The following CSMD1 variants were observed in gnomAD, a reference collection of about 807,000 sequenced individuals.
CSMD1 encodes the protein CUB and Sushi multiple domains 1, also known as CUB and sushi domain-containing protein 1.
In CSMD1, 213 loss-of-function variants were observed where a neutral mutation model predicts 417.5. That is an observed-to-expected ratio of 0.51 (90% confidence interval 0.46 to 0.57). The LOEUF (loss-of-function observed/expected upper bound fraction) is 0.57, where lower values mean the gene tolerates loss of function less well. Ranked by LOEUF, CSMD1 falls within the 20% of genes least tolerant of loss-of-function variation. CSMD1 has a pLI of 0.00. For synonymous variants in CSMD1, 2,862 were observed against 1,736.8 expected (o/e 1.65, Z -16.11); for missense variants, 6,923 against 4,529.7 (o/e 1.53, Z -15.17).
At chr8:4,257,775 G>A (rs140763973) in intron 3 of CSMD1, among the ~76,000 whole-genome samples, 133 of 152,266 alleles carry the variant, frequency 8.7e-4, no homozygotes, top group African/African-American at 2.8e-3. Context: ...AACAGCATCC[G>A]CCTCGTAGGA....
At chr8:3,317,705 A>G (rs1369376295) in intron 23 of CSMD1, among the ~76,000 whole-genome samples, 1 of 152,228 alleles carries the variant, frequency 6.6e-6, no homozygotes, top group East Asian at 1.9e-4. Context: ...TCATTACTTG[A>G]TGTGTTCACA....
intron 3 of CSMD1, among the ~76,000 whole-genome samples, chr8:4,194,459 C>G (rs903234197): frequency 9.2e-5 from 14 of 152,132 alleles, no homozygotes; most frequent in African/African-American, 3.4e-4. Context: ...GCCTGAATTA[C>G]AATAGCGCCC....
chr8:3,654,227 G>A (rs894322305), intron 7 of CSMD1, among the ~76,000 whole-genome samples: 2 of 152,152 alleles, frequency 1.3e-5, no homozygotes, highest in African/African-American at 4.8e-5. Flanking sequence ...TGAATTGTAT[G>A]TAAACCTTGG....
At chr8:3,211,015 A>T (rs1478821303) in intron 30 of CSMD1, among the ~76,000 whole-genome samples, 1 of 152,144 alleles carries the variant, frequency 6.6e-6, no homozygotes, top group Non-Finnish European at 1.5e-5. Flanking sequence ...CTGGGATACA[A>T]GAAAGAAAAT....
chr8:3,212,486 C>A (rs1797668736), intron 30 of CSMD1, among the ~76,000 whole-genome samples: 1 of 152,088 alleles, frequency 6.6e-6, no homozygotes, highest in African/African-American at 2.4e-5. Flanking sequence ...GCAGCTGGGA[C>A]TACAGGCATG....
intron 3 of CSMD1, among the ~76,000 whole-genome samples, chr8:4,058,225 A>G (rs901349550): frequency 2.6e-5 from 4 of 152,036 alleles, no homozygotes; most frequent in African/African-American, 7.2e-5. Flanking sequence ...AGTGGTTTGT[A>G]GTTCTCCTTG....
At chr8:4,577,318 A>G (rs569737928) in intron 2 of CSMD1, among the ~76,000 whole-genome samples, 5 of 152,330 alleles carry the variant, frequency 3.3e-5, no homozygotes, top group African/African-American at 9.6e-5. Context: ...AATTATTTCA[A>G]TAATGATGCC....
In CSMD1 at chr8:3,173,413, A is replaced by G. The variant is rs187492667; in HGVS notation, c.5725+7697T>C. 5.3e-5 allele frequency among the ~76,000 whole-genome samples: 8 copies of G among 152,312 alleles called. No individual in the cohort carries two copies. The East Asian group carries it at 1.5e-3, about 29-fold the overall frequency. ...GAACAGTAGGGATGAGAGAGACATG[A>G]ATAATCTTTGATTGATATTAATGAA... On this transcript the variant is annotated intron_variant, in intron 37 of 69. Coordinates refer to ENST00000635120, the MANE Select transcript of CSMD1 (RefSeq NM_033225.6).
At chr8:4,507,323 T>C (rs756600652) in intron 2 of CSMD1, among the ~76,000 whole-genome samples, 1 of 152,192 alleles carries the variant, frequency 6.6e-6, no homozygotes, top group Non-Finnish European at 1.5e-5. Flanking sequence ...AAAGAATAAT[T>C]GTTCAATTAA....
At chr8:4,505,876 C>T (rs1346858772) in intron 2 of CSMD1, among the ~76,000 whole-genome samples, 1 of 151,950 alleles carries the variant, frequency 6.6e-6, no homozygotes, top group African/African-American at 2.4e-5. Flanking sequence ...TCTCATCTCC[C>T]TAACCTCTGC....
intron 6 of CSMD1, among the ~76,000 whole-genome samples, chr8:3,718,444 G>T (rs528935846): frequency 6.6e-6 from 1 of 152,150 alleles, no homozygotes; most frequent in Admixed American, 6.5e-5. Flanking sequence ...TCCTCTGAAA[G>T]CCTGATGTTA....
chr8:4,654,896 A>G (rs567424306), intron 1 of CSMD1, among the ~76,000 whole-genome samples: 1 of 152,208 alleles, frequency 6.6e-6, no homozygotes, highest in South Asian at 2.1e-4. Context: ...TACCTATTAT[A>G]CATTATACAA....
At chr8:3,395,567 T>C (rs1389044488) in intron 17 of CSMD1, among the ~76,000 whole-genome samples, 3 of 152,260 alleles carry the variant, frequency 2.0e-5, no homozygotes, top group African/African-American at 7.2e-5. Flanking sequence ...TGTGGAAGTT[T>C]GGACTGTTTG....
At chr8:3,260,565 A>C (rs1204821252) in intron 26 of CSMD1, among the ~76,000 whole-genome samples, 4 of 148,646 alleles carry the variant, frequency 2.7e-5, no homozygotes, top group African/African-American at 9.9e-5. Context: ...AACTACAGAG[A>C]GGGTCCACCG....
At chr8:4,047,102 G>C (rs906646368) in intron 3 of CSMD1, among the ~76,000 whole-genome samples, 1 of 152,162 alleles carries the variant, frequency 6.6e-6, no homozygotes, top group African/African-American at 2.4e-5. Context: ...TGGCATTGAA[G>C]CTGTGGCTTC....
At position 2,974,444 on chromosome 8, in the gene CSMD1, C is replaced by A. The variant is rs1563197143; in HGVS notation, c.8740+7G>T. ...TAATTCTGTCAGTTCACTCGTAAGC[C>A]CCTCACCTGTGCAGTGGGGCAGTGC... On this transcript the variant is annotated splice_region_variant and intron_variant, in intron 56 of 69. Coordinates refer to ENST00000635120, the MANE Select transcript of CSMD1 (RefSeq NM_033225.6). 1.5e-5 allele frequency: 24 copies of A among 1,574,196 alleles called. No homozygotes were observed. Among genetic ancestry groups the A allele is most frequent in the Non-Finnish European group, 2.0e-5 (23 of 1,156,534 alleles).
intron 17 of CSMD1, among the ~76,000 whole-genome samples, chr8:3,388,395 G>A (rs895380031): frequency 6.9e-6 from 1 of 145,970 alleles, no homozygotes; most frequent in Non-Finnish European, 1.6e-5. Flanking sequence ...AAGAGCTAAG[G>A]AAAATGAGAA....
At chr8:4,341,679 C>T (rs1029603159) in intron 3 of CSMD1, among the ~76,000 whole-genome samples, 1 of 152,116 alleles carries the variant, frequency 6.6e-6, no homozygotes, top group Non-Finnish European at 1.5e-5. Context: ...CAAAGCGACG[C>T]AGTCAAGATA....
intron 2 of CSMD1, among the ~76,000 whole-genome samples, chr8:4,608,021 G>T (rs1459920819): frequency 2.0e-5 from 3 of 152,198 alleles, no homozygotes; most frequent in Admixed American, 6.5e-5. Context: ...ATAATGTGAG[G>T]GTGTGTCCTT....
Sources: allele counts gnomAD v4.1 joint callset (sites outside exome capture counted in the v4.1 genomes callset), GRCh38; gene constraint gnomAD v4.1.1; transcripts MANE v1.5; gene names NCBI Gene and HGNC (gene_info 2026-07-23, HGNC 2026-07-21).